C1orf185: variants seen among roughly 807,000 people sequenced by gnomAD.
C1orf185 encodes chromosome 1 open reading frame 185.
Under a neutral mutation model 16.1 loss-of-function variants are expected in C1orf185, and 13 were observed. The ratio of observed to expected loss-of-function variants is 0.81; its 90% CI spans 0.53 to 1.28. The LOEUF is 1.28. Among genes scored for constraint, C1orf185 ranks in the 50% most tolerant of loss-of-function variants. C1orf185 has a pLI of 0.00. For missense variants in C1orf185, 220 were observed against 225.2 expected (o/e 0.98, Z 0.15); for synonymous variants, 80 against 76.9 (o/e 1.04, Z -0.21).
intron 3 of C1orf185, among the ~76,000 whole-genome samples, chr1:51,126,299 C>T (rs118188515): frequency 0.037 from 5,583 of 152,034 alleles, 279 homozygotes; most frequent in African/African-American, 0.11. Flanking sequence ...GGTCTTGCTC[C>T]GTTGCCCAGG....
chr1:51,123,372 A>G lies in C1orf185; in HGVS notation c.258+4571A>G, dbSNP rs550416384. 1.1e-4 allele frequency among the ~76,000 whole-genome samples: 17 copies of G among 152,350 alleles called. No homozygotes were observed. The East Asian group carries it at 3.3e-3, about 29-fold the overall frequency. The stretch of plus-strand genomic sequence containing the variant: ...CTAGCCTATTTCTTTTTAGCACGGA[A>G]TAATGTTCCATTGTATACCATAGTT... On this transcript the variant is annotated intron_variant, in intron 3 of 4. Coordinates refer to ENST00000371759, the MANE Select transcript of C1orf185 (RefSeq NM_001136508.2).
intron 1 of C1orf185, among the ~76,000 whole-genome samples, chr1:51,110,010 G>A (rs1023436243): frequency 1.3e-5 from 2 of 151,916 alleles, no homozygotes; most frequent in African/African-American, 4.8e-5. Context: ...ATACTTAACT[G>A]TTTTTCTAAA....
At chr1:51,150,707 A>G (rs12074413), downstream of C1orf185, among the ~76,000 whole-genome samples, 35,296 of 152,054 alleles carry the variant, frequency 0.23, 5,528 homozygotes, top group African/African-American at 0.45. Context: ...CAATAGTTTC[A>G]TGTCTTTTGC....
intron 1 of C1orf185, among the ~76,000 whole-genome samples, chr1:51,111,468 G>C (rs1646119964): frequency 2.0e-5 from 3 of 149,666 alleles, no homozygotes; most frequent in African/African-American, 7.5e-5. Context: ...AAATTCCTGG[G>C]CTCAAGCAAT....
At chr1:51,132,932 C>T (rs1213599687) in intron 3 of C1orf185, among the ~76,000 whole-genome samples, 2 of 152,148 alleles carry the variant, frequency 1.3e-5, no homozygotes, top group African/African-American at 4.8e-5. Flanking sequence ...TAAGAAATTC[C>T]AACCCAGAAT....
chr1:51,135,464 G>A (rs549091059), intron 3 of C1orf185, among the ~76,000 whole-genome samples: 16 of 151,632 alleles, frequency 1.1e-4, no homozygotes, highest in Middle Eastern at 3.4e-3. Flanking sequence ...ACTTGAACCC[G>A]GAAGGCGGAG....
chr1:51,111,243 T>C (rs1407201953), intron 1 of C1orf185, among the ~76,000 whole-genome samples: 10 of 152,134 alleles, frequency 6.6e-5, no homozygotes, highest in Non-Finnish European at 1.5e-4. Flanking sequence ...TTATTACTTT[T>C]CTTTCGTGGA....
intron 3 of C1orf185, among the ~76,000 whole-genome samples, chr1:51,127,984 T>A (rs1364857485): frequency 6.7e-6 from 1 of 149,656 alleles, no homozygotes; most frequent in Admixed American, 6.8e-5. Context: ...ACCTCCTGGG[T>A]TCAAGCGATT....
At chr1:51,102,450 C>G (rs1646039201) in intron 1 of C1orf185, 1 of 411,312 alleles carries the variant, frequency 2.4e-6, no homozygotes, top group African/African-American at 2.0e-5. Context: ...ACTACTGATT[C>G]AATTTAACGG....
intron 2 of C1orf185, among the ~76,000 whole-genome samples, chr1:51,114,313 G>A (rs560954390): frequency 1.5e-4 from 23 of 152,344 alleles, no homozygotes; most frequent in African/African-American, 3.8e-4. Flanking sequence ...GAATAGCACC[G>A]TCATCGTAAT....
intron 3 of C1orf185, among the ~76,000 whole-genome samples, chr1:51,143,604 A>G (rs1052323661): frequency 6.6e-6 from 1 of 152,064 alleles, no homozygotes; most frequent in Admixed American, 6.5e-5. Flanking sequence ...CATTGTATTA[A>G]TATCTATGTA....
chr1:51,113,198 T>A (rs1220670729), intron 2 of C1orf185, among the ~76,000 whole-genome samples: 1 of 151,998 alleles, frequency 6.6e-6, no homozygotes, highest in Non-Finnish European at 1.5e-5. Flanking sequence ...TTTTAGAGAT[T>A]GAAAACATTA....
At chr1:51,143,905 G>A (rs1646382865) in intron 3 of C1orf185, among the ~76,000 whole-genome samples, 1 of 152,172 alleles carries the variant, frequency 6.6e-6, no homozygotes, top group Non-Finnish European at 1.5e-5. Context: ...GTGAGCCACT[G>A]CACCCAGCCA....
chr1:51,109,845 TC>T (rs1168926283), intron 1 of C1orf185, among the ~76,000 whole-genome samples: 1 of 152,198 alleles, frequency 6.6e-6, no homozygotes, highest in African/African-American at 2.4e-5. Context: ...ACTTTTTTTT[TC>T]CCCTCAGGAT....
intron 3 of C1orf185, among the ~76,000 whole-genome samples, chr1:51,143,273 C>G (rs1557653664): frequency 6.6e-6 from 1 of 152,168 alleles, no homozygotes; most frequent in Non-Finnish European, 1.5e-5. Flanking sequence ...CTGAGTAAAT[C>G]TTAACTAAAC....
At chr1:51,142,031 A>G (rs1646368188) in intron 3 of C1orf185, among the ~76,000 whole-genome samples, 1 of 152,106 alleles carries the variant, frequency 6.6e-6, no homozygotes, top group Non-Finnish European at 1.5e-5. Flanking sequence ...AGCCTCCCAA[A>G]GTGCAAGTGC....
chr1:51,132,524 TAGTC>T (rs758933679), intron 3 of C1orf185, among the ~76,000 whole-genome samples: 21 of 151,992 alleles, frequency 1.4e-4, no homozygotes, highest in Admixed American at 9.2e-4. Flanking sequence ...TGAAATTAGA[TAGTC>T]AAACAAGAAT....
At chr1:51,111,954 G>A (rs1207505389) in intron 1 of C1orf185, among the ~76,000 whole-genome samples, 3 of 152,058 alleles carry the variant, frequency 2.0e-5, no homozygotes, top group Non-Finnish European at 2.9e-5. Context: ...GAGCCGCCAC[G>A]CCCATCCTCA....
intron 2 of C1orf185, 112 bp from the exon 3 acceptor site, chr1:51,118,554 A>G: frequency 1.6e-6 from 1 of 629,100 alleles, no homozygotes; most frequent in Non-Finnish European, 2.4e-6. Context: ...AATATGCTAT[A>G]ATGTATTTAT....
Sources: gnomAD v4.1 joint callset for allele counts (sites outside exome capture counted in the v4.1 genomes callset) on GRCh38, gnomAD v4.1.1 for gene constraint, MANE v1.5 for transcripts, NCBI Gene and HGNC (gene_info 2026-07-23, HGNC 2026-07-21) for gene names.